Variants in CELF2 observed in about 807,000 individuals in gnomAD.
CELF2 encodes CUG triplet repeat RNA-binding protein 2.
Under a neutral mutation model 62.6 loss-of-function variants are expected in CELF2, and 8 were observed. The ratio of observed to expected loss-of-function variants is 0.13; its 90% CI spans 0.07 to 0.23. The LOEUF (loss-of-function observed/expected upper bound fraction) is 0.23, where lower values mean the gene tolerates loss of function less well. Ranked by LOEUF, CELF2 falls within the 10% of genes least tolerant of loss-of-function variation. The pLI is 1.00. For synonymous variants in CELF2, 258 were observed against 250.0 expected (o/e 1.03, Z -0.30); for missense variants, 333 against 671.0 (o/e 0.50, Z 5.56).
At chr10:10,680,009 G>T in the CELF2 span, among the ~76,000 whole-genome samples, 2 of 152,064 alleles carry the variant, frequency 1.3e-5, no homozygotes, top group African/African-American at 4.8e-5. Context: ...GTATATTTAC[G>T]GGTTAAAGAA....
chr10:10,627,782 T>C, the CELF2 span, among the ~76,000 whole-genome samples: 2 of 152,234 alleles, frequency 1.3e-5, no homozygotes, highest in African/African-American at 4.8e-5. Flanking sequence ...ACATAGCCTC[T>C]TAAAAATGAA....
chr10:11,130,128 T>C (rs1196866688), intron 1 of CELF2, among the ~76,000 whole-genome samples: 1 of 152,214 alleles, frequency 6.6e-6, no homozygotes, highest in Non-Finnish European at 1.5e-5. Context: ...ATTTCATTAT[T>C]TACCCAGTGG....
intron 2 of CELF2, among the ~76,000 whole-genome samples, chr10:10,968,522 A>G (rs2050397556): frequency 6.6e-6 from 1 of 152,172 alleles, no homozygotes; most frequent in African/African-American, 2.4e-5. Flanking sequence ...TGTATATTTT[A>G]TTGCTGTCTG....
At chr10:10,807,238 C>G (rs944303863) in intron 1 of CELF2, among the ~76,000 whole-genome samples, 2 of 152,156 alleles carry the variant, frequency 1.3e-5, no homozygotes, top group Non-Finnish European at 2.9e-5. Flanking sequence ...TTGAGGTCCC[C>G]AAAATATTTT....
chr10:10,842,164 T>A (rs1375854188), intron 1 of CELF2, among the ~76,000 whole-genome samples: 6 of 152,120 alleles, frequency 3.9e-5, no homozygotes, highest in Non-Finnish European at 2.9e-5. Flanking sequence ...CTTGCTATAG[T>A]TACTGATTAC....
At chr10:11,146,847 G>A (rs117605543) in intron 1 of CELF2, among the ~76,000 whole-genome samples, 1,861 of 152,330 alleles carry the variant, frequency 0.012, 16 homozygotes, top group South Asian at 0.02. Context: ...TTGCCTGGAC[G>A]TCCTGATAGC....
intron 1 of CELF2, among the ~76,000 whole-genome samples, chr10:10,849,053 C>T (rs1469576383): frequency 1.3e-5 from 2 of 152,038 alleles, no homozygotes; most frequent in Admixed American, 1.3e-4. Context: ...TCCATTTTGG[C>T]TAATTTTCTT....
chr10:11,174,528 T>A (rs2070280056), intron 2 of CELF2, among the ~76,000 whole-genome samples: 1 of 152,246 alleles, frequency 6.6e-6, no homozygotes, highest in South Asian at 2.1e-4. Context: ...GTGATCAGTT[T>A]GAAGAATAAA....
chr10:10,709,547 A>T, the CELF2 span, among the ~76,000 whole-genome samples: 1 of 152,228 alleles, frequency 6.6e-6, no homozygotes, highest in Non-Finnish European at 1.5e-5. Context: ...TAAACCAGCC[A>T]GCAATAATGG....
In CELF2 at chr10:11,318,985, C is replaced by T. The variant is rs150599881; in HGVS notation, c.1097-2204C>T. On this transcript the variant is annotated intron_variant, in intron 10 of 12. Transcript: ENST00000633077. The surrounding 1 kb of genome is among the most constrained non-coding windows in gnomAD (Gnocchi z 5.4). ...CCCCTCCATGGGAACTTGGAGGCGT[C>T]CACTGGAGACGAGCTGCTGTCTTCA... 2,306 of 471,130 alleles carry T rather than the reference C, an allele frequency of 4.9e-3. 40 individuals carry two copies. The highest frequency in any genetic ancestry group is 0.027 in the South Asian group (1,726 of 64,572). The allele number at this position is 471,130 out of a possible 1,614,324, so 29.2% of individuals were successfully genotyped here.
At chr10:10,537,889 A>G in the CELF2 span, among the ~76,000 whole-genome samples, 1 of 152,172 alleles carries the variant, frequency 6.6e-6, no homozygotes, top group Non-Finnish European at 1.5e-5. Flanking sequence ...GTAGGCTTGG[A>G]GCCATTTGGG....
chr10:11,307,494 TGTCTG>T (rs2094310998), intron 9 of CELF2, among the ~76,000 whole-genome samples: 1 of 152,260 alleles, frequency 6.6e-6, no homozygotes, highest in Non-Finnish European at 1.5e-5. Context: ...TATATCATTT[TGTCTG>T]TTCTGTTCAG....
chr10:10,510,674 T>G, the CELF2 span, among the ~76,000 whole-genome samples: 1 of 152,160 alleles, frequency 6.6e-6, no homozygotes, highest in African/African-American at 2.4e-5. Flanking sequence ...TTCTAATAGC[T>G]GTAGTGAAAA....
intron 8 of CELF2, among the ~76,000 whole-genome samples, chr10:11,283,798 A>T (rs1024336048): frequency 1.4e-5 from 2 of 142,488 alleles, no homozygotes; most frequent in Non-Finnish European, 3.1e-5. Context: ...TGTGGGGTAG[A>T]TGATGAGTGG....
the CELF2 span, among the ~76,000 whole-genome samples, chr10:10,743,612 C>T: frequency 0.019 from 2,902 of 152,318 alleles, 46 homozygotes; most frequent in East Asian, 0.046. Flanking sequence ...ATTTCCCACT[C>T]ATTTATTTAG....
the CELF2 span, among the ~76,000 whole-genome samples, chr10:10,512,630 G>C: frequency 6.6e-6 from 1 of 152,036 alleles, no homozygotes; most frequent in Non-Finnish European, 1.5e-5. Context: ...GGCCAGGCTG[G>C]TCTCTAACTC....
chr10:10,934,501 G>T lies in CELF2; in HGVS notation c.89+14502G>T, dbSNP rs899397857. 2.0e-5 allele frequency: 3 copies of T among 152,162 alleles called. No individual in the cohort carries two copies. The highest frequency in any genetic ancestry group is 6.5e-5 in the Admixed American group (1 of 15,272). 9.4% of individuals were successfully genotyped at this position (152,162 alleles called of 1,614,324 possible). ...GACTGCTCATTGTAGAAACAAAAACGAAATAGTTGATTACAGAAAATATTG... is the reference window on the plus strand; with the variant it reads ...GACTGCTCATTGTAGAAACAAAAACTAAATAGTTGATTACAGAAAATATTG... On this transcript the variant is annotated intron_variant, in intron 2 of 13. Transcript: ENST00000636488. This position sits in a 1 kb window ranked among gnomAD's most constrained non-coding sequence, Gnocchi z 4.4.
chr10:11,307,663 G>A (rs1461671840), intron 9 of CELF2, among the ~76,000 whole-genome samples: 1 of 152,196 alleles, frequency 6.6e-6, no homozygotes, highest in African/African-American at 2.4e-5. Context: ...TTGGGGAGAT[G>A]AGGGAACAAG....
the CELF2 span, among the ~76,000 whole-genome samples, chr10:10,759,392 C>T: frequency 2.0e-5 from 3 of 148,284 alleles, no homozygotes; most frequent in Admixed American, 6.9e-5. Context: ...TCACTGCAAC[C>T]TCTGCCTCTG....
Sources: allele counts gnomAD v4.1 joint callset (sites outside exome capture counted in the v4.1 genomes callset), GRCh38; gene constraint gnomAD v4.1.1; non-coding constraint Gnocchi (gnomAD v3.1); transcripts MANE v1.5; gene names NCBI Gene and HGNC (gene_info 2026-07-23, HGNC 2026-07-21).